The following STK32C variants were observed in gnomAD, a reference collection of about 807,000 sequenced individuals.
The protein encoded by STK32C is serine/threonine-protein kinase 32C.
Under a neutral mutation model 56.5 loss-of-function variants are expected in STK32C, and 31 were observed. That is an observed-to-expected ratio of 0.55 (90% CI 0.41 to 0.74). The LOEUF (loss-of-function observed/expected upper bound fraction) is 0.74. Ranked by LOEUF, STK32C falls within the 30% of genes least tolerant of loss-of-function variation. The probability of loss-of-function intolerance (pLI) is 0.00; values close to 1 mark genes in which losing one functional copy is unlikely to be tolerated. For synonymous variants in STK32C, 309 were observed against 289.4 expected, an observed-to-expected ratio of 1.07 and a Z score of -0.69; for missense variants, 544 against 676.9, an observed-to-expected ratio of 0.80 and a Z score of 2.18.
chr10:132,225,964 G>T (rs528397506), intron 4 of STK32C, among the ~76,000 whole-genome samples, 180 bp from the exon 5 acceptor site: 2 of 152,244 alleles, frequency 1.3e-5, no homozygotes, highest in African/African-American at 4.8e-5. Flanking sequence ...TGGGGGCAGA[G>T]GCGATGAAGT....
rs945183913 is a variant in STK32C, at chr10:132,225,105, A to C, written c.876+128T>G. 4.4e-6 allele frequency: 3 copies of C among 687,722 alleles called. No individual in the cohort carries two copies. The African/African-American group carries it at 5.4e-5, about 12-fold the overall frequency. The allele number at this position is 687,722 out of a possible 1,614,324, so 42.6% of individuals were successfully genotyped here. ...AACTACACACTTCGATAAAAGCGTG[A>C]CTCCTCAGACACAGTGGAGACATCC... On this transcript the variant is annotated intron_variant, in intron 7 of 11. Transcript: ENST00000298630.
At chr10:132,249,175 G>T (rs1374516859) in intron 1 of STK32C, 4 of 401,782 alleles carry the variant, frequency 1.0e-5, no homozygotes. Flanking sequence ...GCGGGGCTAT[G>T]GGGGTCAGGG....
At chr10:132,308,007 C>CT (rs1450910405), upstream of STK32C, 2 of 332,848 alleles carry the variant, frequency 6.0e-6, no homozygotes, top group East Asian at 2.4e-4. Context: ...AGGGGCGGGG[C>CT]TTCTGGAAGG....
At chr10:132,326,605 G>A (rs2066503974) in intron 1 of STK32C, among the ~76,000 whole-genome samples, 1 of 152,372 alleles carries the variant, frequency 6.6e-6, no homozygotes, top group Non-Finnish European at 1.5e-5. Context: ...TTACAGGCGT[G>A]AGCCACCTCG....
At chr10:132,238,896 G>A (rs974490613) in intron 2 of STK32C, among the ~76,000 whole-genome samples, 1 of 152,180 alleles carries the variant, frequency 6.6e-6, no homozygotes, top group African/African-American at 2.4e-5. Flanking sequence ...CACACACAGA[G>A]GAGCGGGCAC....
chr10:132,294,769 TC>T (rs371680792), intron 1 of STK32C, among the ~76,000 whole-genome samples: 4 of 152,072 alleles, frequency 2.6e-5, no homozygotes, highest in East Asian at 1.9e-4. Flanking sequence ...GGACAGCTCT[TC>T]CCCCCAGAGC....
At chr10:132,269,705 G>T (rs1344748281) in intron 1 of STK32C, among the ~76,000 whole-genome samples, 1 of 152,234 alleles carries the variant, frequency 6.6e-6, no homozygotes, top group African/African-American at 2.4e-5. Context: ...CCAGACCCTT[G>T]CCTCGCCTTG....
chr10:132,233,197 T>C (rs907506166), intron 2 of STK32C, among the ~76,000 whole-genome samples: 1 of 152,090 alleles, frequency 6.6e-6, no homozygotes, highest in African/African-American at 2.4e-5. Flanking sequence ...AGAAGGTGTC[T>C]GCAGCGGCTG....
intron 1 of STK32C, among the ~76,000 whole-genome samples, chr10:132,253,859 G>C (rs1023682239): frequency 1.3e-5 from 2 of 152,232 alleles, no homozygotes. Flanking sequence ...CTGCCCTCCC[G>C]TGTGCCTGGC....
In STK32C at chr10:132,307,499, GA is replaced by G; in HGVS notation, c.262+72del. On this transcript the variant is annotated intron_variant, in intron 1 of 11. Coordinates refer to ENST00000298630, the MANE Select transcript of STK32C (RefSeq NM_173575.4). The surrounding 1 kb of genome is among the most constrained non-coding windows in gnomAD (Gnocchi z 4.4). ...CCGGACACCGGGGGAACCCCTGCGG[GA>G]AAAAGCCGCCCAGCCGCGCCCGCCC... The G allele has an allele frequency of 6.2e-6, 9 of 1,446,756 alleles. No individual in the cohort carries two copies. The highest frequency in any genetic ancestry group is 6.4e-6 in the Non-Finnish European group (7 of 1,093,128). 89.6% of individuals were successfully genotyped at this position (1,446,756 alleles called of 1,614,324 possible).
At chr10:132,266,710 G>A (rs1268310293) in intron 1 of STK32C, among the ~76,000 whole-genome samples, 1 of 151,926 alleles carries the variant, frequency 6.6e-6, no homozygotes, top group African/African-American at 2.4e-5. Context: ...GGCGTGGGTG[G>A]GGGAGGCGCT....
At chr10:132,253,947 G>A (rs1237612265) in intron 1 of STK32C, among the ~76,000 whole-genome samples, 1 of 152,248 alleles carries the variant, frequency 6.6e-6, no homozygotes, top group Admixed American at 6.5e-5. Context: ...CATGGGCATA[G>A]AAAGAGCACT....
chr10:132,317,157 C>T (rs940802774), intron 1 of STK32C, among the ~76,000 whole-genome samples: 2 of 152,066 alleles, frequency 1.3e-5, no homozygotes, highest in Non-Finnish European at 2.9e-5. Context: ...GTTAAAACTC[C>T]TTCCCAAAGA....
intron 10 of STK32C, among the ~76,000 whole-genome samples, chr10:132,215,567 C>T (rs146998767): frequency 0.013 from 1,943 of 152,192 alleles, 47 homozygotes; most frequent in African/African-American, 0.044. Flanking sequence ...CCTTGCCTTC[C>T]GCCATGATTG....
intron 10 of STK32C, among the ~76,000 whole-genome samples, chr10:132,212,305 A>T (rs2062331231): frequency 6.6e-6 from 1 of 152,218 alleles, no homozygotes; most frequent in South Asian, 2.1e-4. Context: ...TGATGTCAAA[A>T]GCAATTCAAT....
rs370475257 is a variant in STK32C, at chr10:132,267,528, T to C, written c.263-21573A>G. Among the ~76,000 whole-genome samples the C allele has an allele frequency of 2.7e-5, 4 of 149,930 alleles. No homozygotes were observed. The South Asian group carries it at 6.4e-4, about 24-fold the overall frequency. On this transcript the variant is annotated intron_variant, in intron 1 of 11. Transcript: ENST00000298630. Reference sequence around the variant, plus strand: ...CACATCGTGTGTGTGTCAGTGTGTGTGCATGCATGTTCAGCTCTATGCCTG... The same window carrying C: ...CACATCGTGTGTGTGTCAGTGTGTGCGCATGCATGTTCAGCTCTATGCCTG...
chr10:132,314,066 C>T (rs1464471642), intron 1 of STK32C, among the ~76,000 whole-genome samples: 2 of 152,224 alleles, frequency 1.3e-5, no homozygotes, highest in East Asian at 3.9e-4. Flanking sequence ...TGTCAGAACT[C>T]AGCCAGCCAT....
intron 1 of STK32C, among the ~76,000 whole-genome samples, chr10:132,277,867 T>C (rs1318753037): frequency 3.3e-5 from 5 of 152,092 alleles, no homozygotes; most frequent in South Asian, 2.1e-4. Context: ...CTCTCCTTCA[T>C]TGGCTGTCTC....
downstream of STK32C, among the ~76,000 whole-genome samples, chr10:132,319,957 G>A (rs189537504): frequency 1.3e-5 from 2 of 150,124 alleles, no homozygotes; most frequent in Non-Finnish European, 3.0e-5. Flanking sequence ...GCACGATCTC[G>A]GCTCACTGCA....
Sources: allele counts gnomAD v4.1 joint callset (sites outside exome capture counted in the v4.1 genomes callset), GRCh38; gene constraint gnomAD v4.1.1; non-coding constraint Gnocchi (gnomAD v3.1); transcripts MANE v1.5; gene names NCBI Gene and HGNC (gene_info 2026-07-23, HGNC 2026-07-21).